HNRNPUL2: variants seen among roughly 807,000 people sequenced by gnomAD.
HNRNPUL2 encodes the protein heterogeneous nuclear ribonucleoprotein U-like protein 2.
A neutral mutation model predicts 102.2 loss-of-function variants in HNRNPUL2; 27 were observed. The ratio of observed to expected loss-of-function variants is 0.26; its 90% confidence interval spans 0.19 to 0.36. HNRNPUL2 has a LOEUF of 0.36. Among genes scored for constraint, HNRNPUL2 ranks in the 10% least tolerant of loss-of-function variants. The pLI is 1.00. For synonymous variants in HNRNPUL2, 458 were observed against 387.2 expected (o/e 1.18, Z -2.15); for missense variants, 936 against 981.1 (o/e 0.95, Z 0.61).
In HNRNPUL2 at chr11:62,721,669, A is replaced by C. The variant is rs377152131; in HGVS notation, c.1482+151T>G. ...ATTTGACAACACAGCAAAGAAAAAA[A>C]AAATCAATCCACCTAAAACGCATAG... is the stretch of plus-strand genomic sequence containing the variant. On this transcript the variant is annotated intron_variant, in intron 8 of 13. Transcript: ENST00000301785. The C allele has an allele frequency of 3.8e-6, 4 of 1,042,648 alleles. No homozygotes were observed. The African/African-American group carries it at 4.8e-5, about 12-fold the overall frequency. 64.6% of individuals were successfully genotyped at this position (1,042,648 alleles called of 1,614,324 possible). A position where few individuals can be genotyped will look rare whatever the true frequency, so the allele number is the denominator to read the frequency against.
In HNRNPUL2 at chr11:62,715,865, C is replaced by G. The variant is rs371447865; in HGVS notation, c.2054G>C (p.Gly685Ala). The G allele has an allele frequency of 6.2e-7, 1 of 1,613,450 alleles. No homozygotes were observed. Among genetic ancestry groups the G allele is most frequent in the Admixed American group, 1.7e-5 (1 of 60,018 alleles). The change falls in exon 12 of 14, where the codon GGG becomes GCG. Residue 685 changes from glycine (G) to alanine (A), a missense_variant and splice_region_variant. Physicochemically the swap from Gly to Ala is moderately conservative, Grantham distance 60. Around this residue, in one of 2 missense-constraint regions of HNRNPUL2, gnomAD observed 609 missense variants for 713.0 expected, o/e 0.85. Coordinates refer to ENST00000301785, the MANE Select transcript of HNRNPUL2 (RefSeq NM_001079559.3). ...QQYWGQPGNR[G>A]GYRNFYDRYR... ...GAGCAGAAGGAGAGCTGCACTCACC[C>G]CTCTGTTTCCAGGCTGCCCCCAGTA...
intron 3 of HNRNPUL2, 49 bp downstream of exon 3, chr11:62,723,865 A>G: frequency 6.3e-7 from 1 of 1,593,258 alleles, no homozygotes; most frequent in Non-Finnish European, 8.6e-7. Flanking sequence ...CTCCAAAATC[A>G]CTTTTAGGAG....
At chr11:62,726,060 T>C (rs2083742884) in intron 1 of HNRNPUL2, among the ~76,000 whole-genome samples, 1 of 152,322 alleles carries the variant, frequency 6.6e-6, no homozygotes, top group Middle Eastern at 3.4e-3. Context: ...TGGTTAACTA[T>C]TAAACTCGAC....
At chr11:62,720,583 G>GT (rs891401416) in intron 9 of HNRNPUL2, among the ~76,000 whole-genome samples, 3 of 143,056 alleles carry the variant, frequency 2.1e-5, no homozygotes, top group Non-Finnish European at 4.5e-5. Context: ...AAGGCCGGGC[G>GT]TGACAGCTCA....
intron 11 of HNRNPUL2, among the ~76,000 whole-genome samples, chr11:62,716,643 C>T (rs1196597391): frequency 6.6e-6 from 1 of 152,158 alleles, no homozygotes; most frequent in Non-Finnish European, 1.5e-5. Flanking sequence ...TTTCACTGCA[C>T]AAATCCTTCA....
chr11:62,717,331 G>T, intron 10 of HNRNPUL2, 142 bp from the exon 11 acceptor site: 1 of 634,738 alleles, frequency 1.6e-6, no homozygotes, highest in Non-Finnish European at 2.7e-6. Context: ...ATACCCACTC[G>T]CATCTAAATA....
At chr11:62,724,965 G>C (rs2083733356) in intron 1 of HNRNPUL2, among the ~76,000 whole-genome samples, 1 of 152,164 alleles carries the variant, frequency 6.6e-6, no homozygotes, top group Non-Finnish European at 1.5e-5. Context: ...ATTATACACA[G>C]CTGTATTTTT....
chr11:62,719,926 T>C (rs1254355435), intron 10 of HNRNPUL2, 97 bp downstream of exon 10: 2 of 1,179,704 alleles, frequency 1.7e-6, no homozygotes, highest in East Asian at 2.3e-5. Context: ...TTGGACTTCC[T>C]AGCCTCCAGA....
rs548208461 is a variant in HNRNPUL2, at chr11:62,725,585, C to T, written c.538+1034G>A. Among the ~76,000 whole-genome samples the T allele has an allele frequency of 1.5e-3, 236 of 152,296 alleles. 4 individuals are homozygous for T. The highest frequency in any genetic ancestry group is 2.9e-4 in the Non-Finnish European group (20 of 68,030). On this transcript the variant is annotated intron_variant, in intron 1 of 13. Transcript: ENST00000301785. ...GGGATTTTTGCTCCGGGACACAGGACAAACAATCTGCAAGTTGCATGTGAT... is the reference window on the plus strand; with the variant it reads ...GGGATTTTTGCTCCGGGACACAGGATAAACAATCTGCAAGTTGCATGTGAT...
At chr11:62,718,751 G>C (rs559638429) in intron 10 of HNRNPUL2, among the ~76,000 whole-genome samples, 3 of 145,042 alleles carry the variant, frequency 2.1e-5, no homozygotes, top group Non-Finnish European at 4.5e-5. Flanking sequence ...AGATGTACCA[G>C]AAATATTTAC....
intron 1 of HNRNPUL2, among the ~76,000 whole-genome samples, chr11:62,725,551 T>A (rs1444444133): frequency 1.3e-5 from 2 of 152,144 alleles, no homozygotes; most frequent in African/African-American, 4.8e-5. Context: ...AAGTCAAAGG[T>A]TATGTAATGG....
At chr11:62,719,872 A>C in intron 10 of HNRNPUL2, 151 bp downstream of exon 10, 1 of 706,220 alleles carries the variant, frequency 1.4e-6, no homozygotes, top group African/African-American at 1.8e-5. Context: ...CTGACATGGA[A>C]TGATGCAGCA....
At chr11:62,716,864 T>C (rs1001653816) in intron 11 of HNRNPUL2, 125 bp downstream of exon 11, 7 of 845,530 alleles carry the variant, frequency 8.3e-6, no homozygotes, top group South Asian at 1.7e-5. Context: ...ATAAGCTCCA[T>C]GAAGAAGGCA....
At chr11:62,718,678 G>C (rs2083677971) in intron 10 of HNRNPUL2, among the ~76,000 whole-genome samples, 2 of 135,280 alleles carry the variant, frequency 1.5e-5, no homozygotes, top group Non-Finnish European at 3.1e-5. Flanking sequence ...GGGCGACAAG[G>C]GCAAGACTCT....
intron 8 of HNRNPUL2, 115 bp from the exon 9 acceptor site, chr11:62,721,538 ACT>A: frequency 1.0e-6 from 1 of 1,001,474 alleles, no homozygotes; most frequent in Non-Finnish European, 1.5e-6. Flanking sequence ...CTATGATATC[ACT>A]CTATTCCCAT....
At chr11:62,725,569 G>C (rs186633180) in intron 1 of HNRNPUL2, among the ~76,000 whole-genome samples, 171 of 152,208 alleles carry the variant, frequency 1.1e-3, no homozygotes, top group Admixed American at 2.0e-3. Flanking sequence ...TGGGATTTTT[G>C]CTCCGGGACA....
intron 9 of HNRNPUL2, among the ~76,000 whole-genome samples, chr11:62,720,863 CAAAAAAAAAAAAAAA>C (rs10615770): frequency 2.6e-5 from 2 of 77,278 alleles, no homozygotes; most frequent in Non-Finnish European, 4.8e-5. Context: ...GACTCGGTCT[CAAAAAAAAAAAAAAA>C]AAAAAAAAAG....
Position 62,723,880 on chromosome 11 carries a change from G to A in HNRNPUL2, c.751+34C>T, listed in dbSNP as rs749547112. The A allele has an allele frequency of 2.2e-5, 36 of 1,604,934 alleles. No homozygotes were observed. In the Admixed American group the frequency reaches 4.5e-4, roughly 20 times the overall value. ...CTCCAAAATCACTTTTAGGAGATTA[G>A]TTAAAAACCACAGTCTGTCTGCCTT... On this transcript the variant is annotated intron_variant, in intron 3 of 13. Coordinates refer to ENST00000301785, the MANE Select transcript of HNRNPUL2 (RefSeq NM_001079559.3).
In HNRNPUL2 at chr11:62,723,915, C is replaced by A; in HGVS notation, c.750G>T (p.Thr250=). 2 of 1,613,714 alleles carry A rather than the reference C, an allele frequency of 1.2e-6. No homozygotes were observed. Among genetic ancestry groups the A allele is most frequent in the Non-Finnish European group, 1.7e-6 (2 of 1,179,624 alleles). Residue 250 remains threonine, a splice_region_variant and synonymous_variant, in exon 3 of 14, where the codon ACG becomes ACT. Transcript: ENST00000301785. ...ACAGTCTGTCTGCCTTATACATACA[C>A]GTGTCCAGGTTCACAAGAGTTTGAT... ...EEDQTLVNLD[T]YTSDLHFQVS...
Sources: gnomAD v4.1 joint callset for allele counts (sites outside exome capture counted in the v4.1 genomes callset) on GRCh38, gnomAD v4.1.1 for gene constraint, gnomAD v4.1.1 regional missense constraint, MANE v1.5 for transcripts, NCBI Gene and HGNC (gene_info 2026-07-23, HGNC 2026-07-21) for gene names.